The following IL1RAPL1 variants were observed in gnomAD, a reference collection of about 807,000 sequenced individuals.
IL1RAPL1 encodes the protein interleukin 1 receptor accessory protein like 1.
A neutral mutation model predicts 48.4 loss-of-function variants in IL1RAPL1; 3 were observed. That is an observed-to-expected ratio of 0.06 (90% confidence interval 0.03 to 0.16). IL1RAPL1 has a LOEUF of 0.16. Among genes scored for constraint, IL1RAPL1 ranks in the 10% least tolerant of loss-of-function variants. The pLI is 1.00. For missense variants in IL1RAPL1, 349 were observed against 530.6 expected (o/e 0.66, Z 3.36); for synonymous variants, 185 against 187.7 (o/e 0.99, Z 0.12).
At chrX:28,656,762 C>T (rs1335690907) in intron 1 of IL1RAPL1, among the ~76,000 whole-genome samples, 5 of 110,859 alleles carry the variant, frequency 4.5e-5, no homozygotes, top group African/African-American at 1.6e-4. Flanking sequence ...CGTGGTGGCT[C>T]ACGCCTGTAA....
rs193220161 is a variant in IL1RAPL1 at position 29,834,010 on chromosome X, A to G, written c.779-83454A>G. Among the ~76,000 whole-genome samples, 6 of 112,167 alleles carry G rather than the reference A, an allele frequency of 5.3e-5. No individual in the cohort carries two copies. In the East Asian group the frequency reaches 1.4e-3, roughly 26 times the overall value. ...TTGTCCTATGAATATCCTTGTAGCC[A>G]TCGCCTCCACCATAAAGCACAGAGC... On this transcript the variant is annotated intron_variant, in intron 6 of 10. Coordinates refer to ENST00000378993, the MANE Select transcript of IL1RAPL1 (RefSeq NM_014271.4).
At chrX:29,099,298 A>G (rs6526834) in intron 2 of IL1RAPL1, among the ~76,000 whole-genome samples, 3,677 of 112,081 alleles carry the variant, frequency 0.033, 163 homozygotes, top group African/African-American at 0.11. Flanking sequence ...ATAAACTTCA[A>G]TTATTTCCTT....
intron 2 of IL1RAPL1, among the ~76,000 whole-genome samples, chrX:29,141,885 C>T (rs999083964): frequency 9.0e-6 from 1 of 111,703 alleles, no homozygotes; most frequent in African/African-American, 3.2e-5. Context: ...CTATCAATAG[C>T]TAGTAAATTC....
At chrX:28,870,853 A>G (rs775294748) in intron 2 of IL1RAPL1, among the ~76,000 whole-genome samples, 1 of 111,734 alleles carries the variant, frequency 8.9e-6, no homozygotes, top group Non-Finnish European at 1.9e-5. Flanking sequence ...TTTACTGTGT[A>G]CAGTGGAGAT....
At chrX:29,155,277 G>T (rs962934029) in intron 2 of IL1RAPL1, among the ~76,000 whole-genome samples, 2 of 111,789 alleles carry the variant, frequency 1.8e-5, no homozygotes, top group African/African-American at 6.5e-5. Flanking sequence ...CTCCCAAAGT[G>T]CTGGGATTAC....
chrX:29,318,835 C>T (rs978450541), intron 3 of IL1RAPL1, among the ~76,000 whole-genome samples: 2 of 111,556 alleles, frequency 1.8e-5, no homozygotes, highest in Non-Finnish European at 3.8e-5. Context: ...TTCAAAGAGC[C>T]AGTAAAACAT....
At chrX:29,439,967 G>A (rs746723563) in intron 5 of IL1RAPL1, among the ~76,000 whole-genome samples, 1 of 85,055 alleles carries the variant, frequency 1.2e-5, no homozygotes, top group South Asian at 7.3e-4. Flanking sequence ...TATAAAATAG[G>A]ACTCAACCTT....
intron 2 of IL1RAPL1, among the ~76,000 whole-genome samples, chrX:28,982,436 T>C (rs1925365415): frequency 8.9e-6 from 1 of 112,018 alleles, no homozygotes; most frequent in South Asian, 3.7e-4. Context: ...AACTGAGTCA[T>C]TGAATGTAAA....
intron 5 of IL1RAPL1, among the ~76,000 whole-genome samples, chrX:29,581,458 A>G (rs1173057666): frequency 8.9e-6 from 1 of 111,792 alleles, no homozygotes; most frequent in African/African-American, 3.3e-5. Context: ...CTATTGCCAT[A>G]TCTCCTAGGC....
intron 2 of IL1RAPL1, among the ~76,000 whole-genome samples, chrX:29,064,895 A>G (rs781026599): frequency 8.9e-6 from 1 of 111,992 alleles, no homozygotes; most frequent in East Asian, 2.8e-4. Flanking sequence ...ACAAATAAAT[A>G]TTTATAGAGT....
chrX:29,339,075 T>TACACACACACACACACACACACACACAC (rs758487838), intron 3 of IL1RAPL1, among the ~76,000 whole-genome samples: 1 of 92,321 alleles, frequency 1.1e-5, no homozygotes, highest in African/African-American at 4.0e-5. Context: ...GCTGGGTAAA[T>TACACACACACACACACACACACACACAC]ACACACACAC....
At chrX:29,796,038 C>A (rs1330802723) in intron 6 of IL1RAPL1, among the ~76,000 whole-genome samples, 1 of 112,337 alleles carries the variant, frequency 8.9e-6, no homozygotes, top group Non-Finnish European at 1.9e-5. Flanking sequence ...TCTCAGTTTA[C>A]CCTTTGTAAA....
intron 5 of IL1RAPL1, among the ~76,000 whole-genome samples, chrX:29,563,376 T>A (rs998991201): frequency 8.9e-6 from 1 of 112,158 alleles, no homozygotes; most frequent in Admixed American, 9.5e-5. Flanking sequence ...ACTTTTATGT[T>A]AATAAAGGGT....
chrX:29,417,855 A>G (rs1174999849), intron 5 of IL1RAPL1, among the ~76,000 whole-genome samples: 1 of 109,438 alleles, frequency 9.1e-6, no homozygotes, highest in Non-Finnish European at 1.9e-5. Flanking sequence ...TGAAGAACAT[A>G]TTTGCTTTAT....
At chrX:28,721,622 G>T (rs1363774302) in intron 1 of IL1RAPL1, among the ~76,000 whole-genome samples, 10 of 110,923 alleles carry the variant, frequency 9.0e-5, no homozygotes, top group African/African-American at 1.6e-4. Context: ...GTCAATTTTG[G>T]CTTTTGTTGC....
intron 2 of IL1RAPL1, among the ~76,000 whole-genome samples, chrX:28,910,708 A>C (rs1419136939): frequency 9.1e-6 from 1 of 109,699 alleles, no homozygotes; most frequent in African/African-American, 3.3e-5. Flanking sequence ...TTGCTGCTTA[A>C]GTGTGCTTAT....
intron 3 of IL1RAPL1, among the ~76,000 whole-genome samples, chrX:29,371,222 A>G (rs1933540901): frequency 1.0e-5 from 1 of 96,169 alleles, no homozygotes; most frequent in Non-Finnish European, 2.0e-5. Flanking sequence ...ACCTCCTCCT[A>G]CCAGGTTCAA....
intron 2 of IL1RAPL1, among the ~76,000 whole-genome samples, chrX:29,280,991 G>A (rs1382905020): frequency 8.9e-6 from 1 of 112,134 alleles, no homozygotes. Flanking sequence ...CTGGCACATC[G>A]TTAAGTGCTT....
intron 6 of IL1RAPL1, among the ~76,000 whole-genome samples, chrX:29,839,167 A>T (rs1931080004): frequency 8.9e-6 from 1 of 112,395 alleles, no homozygotes; most frequent in African/African-American, 3.2e-5. Flanking sequence ...TATTACAACA[A>T]TCAACTACAT....
Sources: gnomAD v4.1 joint callset for allele counts (sites outside exome capture counted in the v4.1 genomes callset) on GRCh38, gnomAD v4.1.1 for gene constraint, MANE v1.5 for transcripts, NCBI Gene and HGNC (gene_info 2026-07-23, HGNC 2026-07-21) for gene names.